Variants in NFIA observed in about 807,000 individuals in gnomAD.
The protein encoded by NFIA is nuclear factor 1 A-type.
Under a neutral mutation model 62.8 loss-of-function variants are expected in NFIA, and 8 were observed. That is an observed-to-expected ratio of 0.13 (90% CI 0.07 to 0.23). The LOEUF (loss-of-function observed/expected upper bound fraction) is 0.23, where lower values mean the gene tolerates loss of function less well. NFIA is among the 10% of genes least tolerant of loss of function. The pLI, the probability that NFIA is intolerant of heterozygous loss-of-function variation, is 1.00. For synonymous variants in NFIA, 235 were observed against 238.1 expected (o/e 0.99, Z 0.12); for missense variants, 410 against 642.1 (o/e 0.64, Z 3.91).
intron 9 of NFIA, among the ~76,000 whole-genome samples, chr1:61,419,412 T>G (rs2100544700): frequency 6.6e-6 from 1 of 152,272 alleles, no homozygotes; most frequent in Middle Eastern, 3.4e-3. Flanking sequence ...CACTCCAGCC[T>G]GGGTGACAGA....
chr1:61,361,038 T>G (rs573903964), intron 6 of NFIA, among the ~76,000 whole-genome samples: 2 of 152,226 alleles, frequency 1.3e-5, no homozygotes, highest in African/African-American at 4.8e-5. Flanking sequence ...TCTCAAGGAA[T>G]TCACAGTCAG....
rs549317828 is a variant in NFIA at position 61,382,305 on chromosome 1, C to A, written c.947-932C>A. Among the ~76,000 whole-genome samples, 3 of 152,192 alleles carry A rather than the reference C, an allele frequency of 2.0e-5. No homozygotes were observed. In the East Asian group the frequency reaches 5.8e-4, roughly 29 times the overall value. On this transcript the variant is annotated intron_variant, in intron 6 of 10. Transcript: ENST00000403491. Reference sequence around the variant, plus strand: ...GGAACTGTTTCTCCATTATTTTCTTCCCAAAGCATTTTCTATGCTGGAAAT... The same window carrying A: ...GGAACTGTTTCTCCATTATTTTCTTACCAAAGCATTTTCTATGCTGGAAAT...
chr1:61,231,026 A>G (rs1199139076), intron 2 of NFIA, among the ~76,000 whole-genome samples: 1 of 152,244 alleles, frequency 6.6e-6, no homozygotes, highest in African/African-American at 2.4e-5. Flanking sequence ...TACTTCTGCC[A>G]CAGTACTTAT....
At chr1:61,227,566 G>A (rs1382161512) in intron 2 of NFIA, among the ~76,000 whole-genome samples, 1 of 152,160 alleles carries the variant, frequency 6.6e-6, no homozygotes, top group Non-Finnish European at 1.5e-5. Context: ...GAAACTCAGA[G>A]ATAAGTTTAA....
chr1:61,390,810 C>T (rs1664934824), intron 7 of NFIA, among the ~76,000 whole-genome samples: 1 of 152,128 alleles, frequency 6.6e-6, no homozygotes, highest in Non-Finnish European at 1.5e-5. Context: ...TCATTTATCT[C>T]TGAATCCCTC....
chr1:61,249,991 T>C (rs1386938731), intron 2 of NFIA: 1 of 152,138 alleles, frequency 6.6e-6, no homozygotes, highest in Non-Finnish European at 1.5e-5. Flanking sequence ...TCTAGGAAAA[T>C]ATTGGTAAAT....
chr1:61,136,784 C>G (rs1298962551), intron 2 of NFIA, among the ~76,000 whole-genome samples: 1 of 152,138 alleles, frequency 6.6e-6, no homozygotes, highest in Non-Finnish European at 1.5e-5. Flanking sequence ...GCAACTTCCC[C>G]TACTAGTTTT....
intron 2 of NFIA, among the ~76,000 whole-genome samples, chr1:61,115,398 G>T (rs1044278139): frequency 3.3e-5 from 5 of 152,222 alleles, no homozygotes; most frequent in Non-Finnish European, 7.3e-5. Flanking sequence ...ATTCAAAGGG[G>T]AAGAGGCAAA....
chr1:61,212,941 G>A (rs1249523658), intron 2 of NFIA, among the ~76,000 whole-genome samples: 1 of 152,184 alleles, frequency 6.6e-6, no homozygotes, highest in African/African-American at 2.4e-5. Context: ...TTCACACTGT[G>A]GCCTGGTCAC....
intron 2 of NFIA, among the ~76,000 whole-genome samples, chr1:61,140,826 A>G (rs1055318255): frequency 1.3e-5 from 2 of 152,152 alleles, no homozygotes; most frequent in Admixed American, 1.3e-4. Flanking sequence ...TTCATTATAC[A>G]AAAGCAGGGT....
chr1:61,123,319 G>C (rs559580365), intron 2 of NFIA, among the ~76,000 whole-genome samples: 21 of 146,526 alleles, frequency 1.4e-4, no homozygotes, highest in African/African-American at 5.3e-4. Flanking sequence ...AGAGGGTACA[G>C]AGAGAGAGAC....
intron 6 of NFIA, among the ~76,000 whole-genome samples, chr1:61,380,448 G>T (rs1266782353): frequency 6.6e-6 from 1 of 152,048 alleles, no homozygotes; most frequent in African/African-American, 2.4e-5. Flanking sequence ...TAAATAATTG[G>T]CAAAAGAGAT....
chr1:61,159,667 G>A (rs1251792734), intron 2 of NFIA, among the ~76,000 whole-genome samples: 1 of 144,746 alleles, frequency 6.9e-6, no homozygotes, highest in Non-Finnish European at 1.5e-5. Flanking sequence ...AATAAAATTA[G>A]ATAATGTAGA....
At chr1:61,453,512 A>G (rs1022633644) in intron 10 of NFIA, among the ~76,000 whole-genome samples, 9 of 113,760 alleles carry the variant, frequency 7.9e-5, no homozygotes, top group Non-Finnish European at 1.3e-4. Context: ...AGATTTTTGT[A>G]GTGCCCTGAG....
At chr1:61,163,206 G>C (rs1458827422) in intron 2 of NFIA, among the ~76,000 whole-genome samples, 1 of 152,128 alleles carries the variant, frequency 6.6e-6, no homozygotes, top group Non-Finnish European at 1.5e-5. Context: ...AGCTACATAG[G>C]AATAAGTTGT....
chr1:61,150,335 G>T (rs1335835952), intron 2 of NFIA, among the ~76,000 whole-genome samples: 1 of 152,156 alleles, frequency 6.6e-6, no homozygotes, highest in Non-Finnish European at 1.5e-5. Flanking sequence ...TCCTGATGGG[G>T]AGTTAGTATG....
chr1:61,313,059 G>A (rs1286988676), intron 3 of NFIA, among the ~76,000 whole-genome samples: 1 of 152,160 alleles, frequency 6.6e-6, no homozygotes, highest in Non-Finnish European at 1.5e-5. Flanking sequence ...CCAAGTCAAG[G>A]ATAGTAGTAG....
Position 61,107,290 on chromosome 1 carries a change from G to A in NFIA, c.559+18610G>A, listed in dbSNP as rs752005969. Among the ~76,000 whole-genome samples the A allele has an allele frequency of 3.0e-4, 46 of 151,336 alleles. 1 individual carries two copies. The highest frequency in any genetic ancestry group is 8.2e-4 in the African/African-American group (34 of 41,322). On this transcript the variant is annotated intron_variant, in intron 2 of 10. Transcript: ENST00000403491. ...GTTATGCCTGTTTATACGATCACTC[G>A]CTGTAGCAGTATACAAAAAATTCTG...
In NFIA at chr1:61,088,665, T is replaced by G; in HGVS notation, c.544T>G (p.Phe182Val). 5.6e-6 allele frequency: 9 copies of G among 1,612,914 alleles called. No individual in the cohort carries two copies. Among genetic ancestry groups the G allele is most frequent in the Non-Finnish European group, 7.6e-6 (9 of 1,179,254 alleles). The change falls in exon 2 of 11, where the codon TTT becomes GTT. Residue 182 changes from phenylalanine (F) to valine (V), a missense_variant. Transcript: ENST00000403491. The surrounding 1 kb of genome is among the most constrained non-coding windows in gnomAD (Gnocchi z 4.5). ...VKELDLYLAY[F>V]VHAADSSQSE... ...GGAACTCGATTTATATTTGGCATAC[T>G]TTGTGCATGCAGCAGGTAAGTGCGA...
Sources: allele counts gnomAD v4.1 joint callset (sites outside exome capture counted in the v4.1 genomes callset), GRCh38; gene constraint gnomAD v4.1.1; non-coding constraint Gnocchi (gnomAD v3.1); transcripts MANE v1.5; gene names NCBI Gene and HGNC (gene_info 2026-07-23, HGNC 2026-07-21).